The following MVB12B variants were observed in gnomAD, a reference collection of about 807,000 sequenced individuals.
MVB12B encodes the protein multivesicular body subunit 12B.
In MVB12B, 16 loss-of-function variants were observed where a neutral mutation model predicts 41.6. The observed-to-expected ratio is 0.38, with a 90% confidence interval of 0.26 to 0.58. The LOEUF (loss-of-function observed/expected upper bound fraction) is 0.58, where lower values mean the gene tolerates loss of function less well. Among genes scored for constraint, MVB12B ranks in the 20% least tolerant of loss-of-function variants. The pLI is 0.62. For synonymous variants in MVB12B, 133 were observed against 139.7 expected, an observed-to-expected ratio of 0.95 and a Z score of 0.34; for missense variants, 274 against 380.2, an observed-to-expected ratio of 0.72 and a Z score of 2.32.
rs988461440 is a variant in MVB12B, at chr9:126,459,635, C to T, written c.758-21734C>T. 3.3e-5 allele frequency among the ~76,000 whole-genome samples: 5 copies of T among 152,204 alleles called. No individual in the cohort carries two copies. Among genetic ancestry groups the T allele is most frequent in the African/African-American group, 1.2e-4 (5 of 41,446 alleles). ...AGGATGTGTATTTTCGCACGCAGCC[C>T]AGGTGACTGTGGCATGCCTGCGGGT... is the stretch of plus-strand genomic sequence containing the variant. On this transcript the variant is annotated intron_variant, in intron 7 of 9. Coordinates refer to ENST00000361171, the MANE Select transcript of MVB12B (RefSeq NM_033446.3). The surrounding 1 kb of genome is among the most constrained non-coding windows in gnomAD (Gnocchi z 4.3).
At chr9:126,439,302 G>T (rs1832574318) in intron 7 of MVB12B, among the ~76,000 whole-genome samples, 1 of 151,786 alleles carries the variant, frequency 6.6e-6, no homozygotes, top group African/African-American at 2.4e-5. Context: ...GAGCTCACAG[G>T]GTCTGCTGGG....
At chr9:126,475,460 G>A (rs1833402461) in intron 7 of MVB12B, among the ~76,000 whole-genome samples, 1 of 152,180 alleles carries the variant, frequency 6.6e-6, no homozygotes, top group Non-Finnish European at 1.5e-5. Context: ...GAGAAAATTT[G>A]TAAGATGCTT....
chr9:126,380,516 C>T (rs1336119765), intron 2 of MVB12B, among the ~76,000 whole-genome samples: 1 of 152,176 alleles, frequency 6.6e-6, no homozygotes, highest in Non-Finnish European at 1.5e-5. Context: ...CACCTTGAAC[C>T]CCACTGTCAG....
At chr9:126,344,919 G>A (rs867268360) in intron 2 of MVB12B, among the ~76,000 whole-genome samples, 5 of 152,182 alleles carry the variant, frequency 3.3e-5, no homozygotes, top group Admixed American at 1.3e-4. Flanking sequence ...TATTCATGAG[G>A]ACAGAACCCT....
At chr9:126,382,958 A>T (rs933043071) in intron 3 of MVB12B, among the ~76,000 whole-genome samples, 2 of 152,248 alleles carry the variant, frequency 1.3e-5, no homozygotes, top group African/African-American at 4.8e-5. Context: ...TAAGAAGAGG[A>T]CAAGGGCAGT....
intron 7 of MVB12B, among the ~76,000 whole-genome samples, chr9:126,429,753 C>T (rs1441059177): frequency 6.6e-6 from 1 of 152,222 alleles, no homozygotes; most frequent in African/African-American, 2.4e-5. Flanking sequence ...GTGGCTGTGT[C>T]ACTGAAGTTA....
At chr9:126,405,150 A>T (rs1278724858) in intron 6 of MVB12B, among the ~76,000 whole-genome samples, 1 of 152,050 alleles carries the variant, frequency 6.6e-6, no homozygotes, top group Non-Finnish European at 1.5e-5. Flanking sequence ...GATTTTTGAC[A>T]AGGTATTTGC....
At chr9:126,357,053 C>G (rs1829900862) in intron 2 of MVB12B, among the ~76,000 whole-genome samples, 2 of 152,168 alleles carry the variant, frequency 1.3e-5, no homozygotes, top group Non-Finnish European at 2.9e-5. Context: ...AACCCCACTT[C>G]TAGGAAACCG....
intron 4 of MVB12B, among the ~76,000 whole-genome samples, chr9:126,390,341 C>T (rs1006756965): frequency 6.6e-6 from 1 of 152,138 alleles, no homozygotes; most frequent in Non-Finnish European, 1.5e-5. Context: ...TACAGTTTAC[C>T]AAGACTCAGA....
chr9:126,437,093 C>T (rs1832499852), intron 7 of MVB12B, among the ~76,000 whole-genome samples: 1 of 152,242 alleles, frequency 6.6e-6, no homozygotes, highest in Middle Eastern at 3.4e-3. Context: ...AGCTGAGCTG[C>T]CGTGTGGGTG....
Position 126,502,469 on chromosome 9 carries a change from G to T in MVB12B, c.874-708G>T, listed in dbSNP as rs750040137. ...GCCAGGGTCGGTTAGGTGAGCTGGG[G>T]TCTCTGGCGTGAGGCTTAACTCCTG... is the stretch of plus-strand genomic sequence containing the variant. On this transcript the variant is annotated intron_variant, in intron 9 of 9. Coordinates refer to ENST00000361171, the MANE Select transcript of MVB12B (RefSeq NM_033446.3). Among the ~76,000 whole-genome samples, 28 of 152,328 alleles carry T rather than the reference G, an allele frequency of 1.8e-4. No individual in the cohort carries two copies. In the Middle Eastern group the frequency reaches 0.014, roughly 74 times the overall value.
chr9:126,331,109 T>G (rs2118783754), intron 1 of MVB12B, among the ~76,000 whole-genome samples: 1 of 152,286 alleles, frequency 6.6e-6, no homozygotes, highest in Non-Finnish European at 1.5e-5. Context: ...TAAATTCTTT[T>G]GTGTAGATAC....
intron 7 of MVB12B, among the ~76,000 whole-genome samples, chr9:126,426,034 A>G (rs1832167834): frequency 6.6e-6 from 1 of 152,248 alleles, no homozygotes; most frequent in Middle Eastern, 3.2e-3. Context: ...AAATTATATG[A>G]AAATCTTTAG....
intron 2 of MVB12B, among the ~76,000 whole-genome samples, chr9:126,368,664 A>G (rs1362732371): frequency 6.6e-6 from 1 of 152,216 alleles, no homozygotes; most frequent in Non-Finnish European, 1.5e-5. Flanking sequence ...TCTCGTTGAC[A>G]GTTTGCAAGT....
chr9:126,381,487 G>A (rs1324694910), intron 3 of MVB12B, among the ~76,000 whole-genome samples: 1 of 152,158 alleles, frequency 6.6e-6, no homozygotes, highest in Non-Finnish European at 1.5e-5. Context: ...GGCAGTGAGA[G>A]TTCTCCAGTG....
intron 1 of MVB12B, among the ~76,000 whole-genome samples, chr9:126,334,782 C>T (rs1023471466): frequency 2.6e-5 from 4 of 152,222 alleles, no homozygotes; most frequent in African/African-American, 9.6e-5. Flanking sequence ...GGAGAATGCC[C>T]TACCCTCGAG....
At chr9:126,422,918 G>A (rs1453727138) in intron 7 of MVB12B, among the ~76,000 whole-genome samples, 1 of 152,168 alleles carries the variant, frequency 6.6e-6, no homozygotes, top group Non-Finnish European at 1.5e-5. Flanking sequence ...CATTCCTGCT[G>A]AGAAGGGGAG....
At chr9:126,328,029 G>A (rs1457824009) in intron 1 of MVB12B, among the ~76,000 whole-genome samples, 2 of 152,154 alleles carry the variant, frequency 1.3e-5, no homozygotes, top group Non-Finnish European at 2.9e-5. Flanking sequence ...ATCTCATCTC[G>A]TTTTAACAGG....
intron 2 of MVB12B, among the ~76,000 whole-genome samples, chr9:126,342,675 C>T (rs984400165): frequency 2.0e-5 from 3 of 152,186 alleles, no homozygotes; most frequent in African/African-American, 7.2e-5. Context: ...TGGGAGTCCC[C>T]TCTTGGTACT....
Sources: allele counts gnomAD v4.1 joint callset (sites outside exome capture counted in the v4.1 genomes callset), GRCh38; gene constraint gnomAD v4.1.1; non-coding constraint Gnocchi (gnomAD v3.1); transcripts MANE v1.5; gene names NCBI Gene and HGNC (gene_info 2026-07-23, HGNC 2026-07-21).